Variants in KIF3C observed in about 807,000 individuals in gnomAD.
KIF3C encodes kinesin-like protein KIF3C.
KIF3C carries 12 observed loss-of-function variants against 67.7 expected under a neutral mutation model. The observed-to-expected ratio is 0.18, with a 90% CI of 0.11 to 0.29. The LOEUF (loss-of-function observed/expected upper bound fraction) is 0.29, where lower values mean the gene tolerates loss of function less well. KIF3C is among the 10% of genes least tolerant of loss of function. The pLI, the probability that KIF3C is intolerant of heterozygous loss-of-function variation, is 1.00. For missense variants in KIF3C, 789 were observed against 1,059.6 expected (o/e 0.74, Z 3.55); for synonymous variants, 393 against 426.2 (o/e 0.92, Z 0.96).
chr2:25,959,068 C>T (rs1316686636), intron 1 of KIF3C, among the ~76,000 whole-genome samples: 1 of 152,138 alleles, frequency 6.6e-6, no homozygotes, highest in Non-Finnish European at 1.5e-5. Flanking sequence ...GAGCAAAACT[C>T]CGTCTCAAAA....
At chr2:25,959,354 A>G (rs1265131905) in intron 1 of KIF3C, among the ~76,000 whole-genome samples, 2 of 152,122 alleles carry the variant, frequency 1.3e-5, no homozygotes, top group East Asian at 3.9e-4. Flanking sequence ...TATCTTACTC[A>G]TATCTCTGGG....
intron 1 of KIF3C, among the ~76,000 whole-genome samples, chr2:25,976,675 C>T (rs1232862341): frequency 6.6e-6 from 1 of 152,138 alleles, no homozygotes; most frequent in Non-Finnish European, 1.5e-5. Context: ...GCAGGAGAAT[C>T]CCTTGAACCC....
At chr2:25,947,452 G>A (rs1440053727) in intron 5 of KIF3C, among the ~76,000 whole-genome samples, 1 of 151,722 alleles carries the variant, frequency 6.6e-6, no homozygotes, top group Non-Finnish European at 1.5e-5. Flanking sequence ...GTGGTGGCAG[G>A]CACCTGTAGT....
intron 4 of KIF3C, 110 bp downstream of exon 4, chr2:25,954,157 A>T (rs1313965631): frequency 8.7e-6 from 7 of 800,810 alleles, no homozygotes; most frequent in African/African-American, 1.7e-5. Context: ...TTTTATTCCT[A>T]AAGGACTCAT....
At chr2:25,940,914 A>G (rs1265729361) in intron 5 of KIF3C, among the ~76,000 whole-genome samples, 1 of 151,816 alleles carries the variant, frequency 6.6e-6, no homozygotes, top group African/African-American at 2.4e-5. Context: ...CAGCCTCCCA[A>G]AGTGCTGGGA....
chr2:25,932,657 AC>A (rs1252418360), intron 5 of KIF3C, among the ~76,000 whole-genome samples: 1 of 150,020 alleles, frequency 6.7e-6, no homozygotes, highest in Non-Finnish European at 1.5e-5. Flanking sequence ...ACATGGTGAA[AC>A]CCTGTCTTTA....
At chr2:25,963,174 G>GTATA (rs1553716012) in intron 1 of KIF3C, among the ~76,000 whole-genome samples, 1,509 of 34,236 alleles carry the variant, frequency 0.044, 58 homozygotes, top group East Asian at 0.047. Context: ...ATGTGTGTGT[G>GTATA]TATATATATA....
At chr2:25,931,798 C>CG (rs1559547034) in intron 5 of KIF3C, among the ~76,000 whole-genome samples, 1 of 151,898 alleles carries the variant, frequency 6.6e-6, no homozygotes. Context: ...CCACCACACC[C>CG]GGCTAATTTT....
At chr2:25,968,331 A>T (rs1664195071) in intron 1 of KIF3C, among the ~76,000 whole-genome samples, 1 of 152,182 alleles carries the variant, frequency 6.6e-6, no homozygotes, top group African/African-American at 2.4e-5. Flanking sequence ...TGAGATCAGG[A>T]AACTATTGGC....
At chr2:25,930,601 G>C (rs2149220794) in intron 5 of KIF3C, among the ~76,000 whole-genome samples, 1 of 152,242 alleles carries the variant, frequency 6.6e-6, no homozygotes, top group East Asian at 1.9e-4. Context: ...GCAATGGCAT[G>C]ATCTTGGCTC....
chr2:25,942,799 C>T (rs563908572), intron 5 of KIF3C, among the ~76,000 whole-genome samples: 1 of 152,184 alleles, frequency 6.6e-6, no homozygotes, highest in South Asian at 2.1e-4. Flanking sequence ...CAAATAATGG[C>T]TACATGGAGA....
At chr2:25,962,864 T>A (rs1308509358) in intron 1 of KIF3C, among the ~76,000 whole-genome samples, 3 of 71,804 alleles carry the variant, frequency 4.2e-5, no homozygotes, top group African/African-American at 1.3e-4. Flanking sequence ...TAATATATAA[T>A]ATATATAATA....
chr2:25,934,761 TAAAC>T lies in KIF3C; in HGVS notation c.2007-4702_2007-4699del, dbSNP rs539363521. Among the ~76,000 whole-genome samples, 7 of 152,136 alleles carry T rather than the reference TAAAC, an allele frequency of 4.6e-5. 1 individual carries two copies. The South Asian group carries it at 1.5e-3, about 32-fold the overall frequency. Reference sequence around the variant, plus strand: ...ACTACATCTCAACAGAGCTGTTATTTAAACAATGAACAAACAGGCCAGCCTCAGA... The same window carrying T: ...ACTACATCTCAACAGAGCTGTTATTTAATGAACAAACAGGCCAGCCTCAGA... On this transcript the variant is annotated intron_variant, in intron 5 of 7. Coordinates refer to ENST00000264712, the MANE Select transcript of KIF3C (RefSeq NM_002254.8).
chr2:25,943,783 T>C (rs1184011722), intron 5 of KIF3C, among the ~76,000 whole-genome samples: 3 of 151,994 alleles, frequency 2.0e-5, no homozygotes, highest in African/African-American at 7.2e-5. Flanking sequence ...GAGAATCACT[T>C]GAACCTGGGA....
At chr2:25,943,979 G>A (rs75406025) in intron 5 of KIF3C, among the ~76,000 whole-genome samples, 3,325 of 151,854 alleles carry the variant, frequency 0.022, 110 homozygotes, top group African/African-American at 0.075. Flanking sequence ...ACATAGCAAA[G>A]TGGACAGTGA....
At chr2:25,970,433 C>T (rs1001332009) in intron 1 of KIF3C, among the ~76,000 whole-genome samples, 2 of 151,870 alleles carry the variant, frequency 1.3e-5, no homozygotes, top group South Asian at 2.1e-4. Context: ...TTTGGGAGGC[C>T]GAGGCAGGCG....
At chr2:25,944,861 T>G (rs2149227741) in intron 5 of KIF3C, among the ~76,000 whole-genome samples, 1 of 152,310 alleles carries the variant, frequency 6.6e-6, no homozygotes, top group Non-Finnish European at 1.5e-5. Context: ...CCGGGCACTG[T>G]GGCTCACGCC....
chr2:25,975,037 A>C (rs1207791368), intron 1 of KIF3C, among the ~76,000 whole-genome samples: 1 of 151,762 alleles, frequency 6.6e-6, no homozygotes, highest in Non-Finnish European at 1.5e-5. Context: ...AAAAAAAAAA[A>C]AAATGAGACC....
At chr2:25,956,526 C>T in intron 1 of KIF3C, 82 bp from the exon 2 acceptor site, 1 of 1,042,616 alleles carries the variant, frequency 9.6e-7, no homozygotes, top group Non-Finnish European at 1.5e-6. Flanking sequence ...CTTCCCTGCT[C>T]TGTGGTCCTT....
Sources: allele counts gnomAD v4.1 joint callset (sites outside exome capture counted in the v4.1 genomes callset), GRCh38; gene constraint gnomAD v4.1.1; transcripts MANE v1.5; gene names NCBI Gene and HGNC (gene_info 2026-07-23, HGNC 2026-07-21).